INPP4A: variants seen among roughly 807,000 people sequenced by gnomAD.
INPP4A encodes inositol polyphosphate-4-phosphatase type I A.
INPP4A carries 33 observed loss-of-function variants against 119.8 expected under a neutral mutation model. The ratio of observed to expected loss-of-function variants is 0.28; its 90% CI spans 0.21 to 0.37. The LOEUF is 0.37. INPP4A is among the 10% of genes least tolerant of loss of function. INPP4A has a pLI of 1.00. For synonymous variants in INPP4A, 496 were observed against 500.7 expected (o/e 0.99, Z 0.12); for missense variants, 956 against 1,289.9 (o/e 0.74, Z 3.97).
Position 98,538,991 on chromosome 2 carries a change from T to A in INPP4A, c.670+10T>A. 6.3e-7 allele frequency: 1 copy of A among 1,575,288 alleles called. No homozygotes were observed. Among genetic ancestry groups the A allele is most frequent in the East Asian group, 2.2e-5 (1 of 44,536 alleles). Reference sequence around the variant, plus strand: ...ACTTTGCTGAAATCGGGTAAACAGCTTCCTCCTTTGGTATTCTTGCCTCTC... The same window carrying A: ...ACTTTGCTGAAATCGGGTAAACAGCATCCTCCTTTGGTATTCTTGCCTCTC... On this transcript the variant is annotated intron_variant, in intron 9 of 24. Transcript: ENST00000409851.
At position 98,533,388 on chromosome 2, in the gene INPP4A, C is replaced by G. The variant is rs1689622240; in HGVS notation, c.163C>G (p.Leu55Val). ...ILEFSLACSE[L>V]HTPSLDRKPN... ...TGTTGATTCTGTAGCTTGCAGTGAG[C>G]TGCATACTCCATCGCTAGATCGAAA... Residue 55 changes from leucine (L) to valine (V), a missense_variant, in exon 5 of 25, where the codon CTG becomes GTG. By Grantham distance (32) the Leu-to-Val change is conservative. Coordinates refer to ENST00000409851, the MANE Select transcript of INPP4A (RefSeq NM_001134225.2). 3.7e-6 allele frequency: 6 copies of G among 1,610,958 alleles called. No individual in the cohort carries two copies. Among genetic ancestry groups the G allele is most frequent in the Non-Finnish European group, 3.4e-6 (4 of 1,177,818 alleles).
intron 24 of INPP4A, among the ~76,000 whole-genome samples, 193 bp downstream of exon 24, chr2:98,577,336 G>A (rs1209626214): frequency 3.9e-5 from 6 of 152,230 alleles, no homozygotes; most frequent in Non-Finnish European, 1.5e-5. Context: ...TGTAAGGTAA[G>A]GTGGGGGGTA....
At chr2:98,562,910 T>C (rs1695749873) in intron 17 of INPP4A, among the ~76,000 whole-genome samples, 1 of 152,120 alleles carries the variant, frequency 6.6e-6, no homozygotes, top group African/African-American at 2.4e-5. Flanking sequence ...GGCTGAAAAC[T>C]TGGGAGCTGT....
chr2:98,519,596 AT>A (rs1057207219), intron 2 of INPP4A: 2 of 159,514 alleles, frequency 1.3e-5, no homozygotes, highest in Non-Finnish European at 2.7e-5. Flanking sequence ...TGATTTAAAT[AT>A]TTAAAGGTTC....
intron 1 of INPP4A, among the ~76,000 whole-genome samples, chr2:98,479,666 G>C (rs933588178): frequency 9.2e-5 from 14 of 152,220 alleles, no homozygotes; most frequent in Admixed American, 8.5e-4. Context: ...TAAAACATCT[G>C]ACACGCACCA....
At chr2:98,485,582 ACT>A (rs1362598278) in intron 1 of INPP4A, among the ~76,000 whole-genome samples, 2 of 152,108 alleles carry the variant, frequency 1.3e-5, no homozygotes, top group Non-Finnish European at 2.9e-5. Context: ...CTCAGGGCTC[ACT>A]CTCGCTTCGG....
intron 1 of INPP4A, among the ~76,000 whole-genome samples, chr2:98,463,765 C>G (rs1420887773): frequency 6.6e-6 from 1 of 152,200 alleles, no homozygotes; most frequent in African/African-American, 2.4e-5. Context: ...TAGGGCAGAC[C>G]AGAGCCATGA....
At chr2:98,519,719 G>C in intron 2 of INPP4A, 1 of 339,768 alleles carries the variant, frequency 2.9e-6, no homozygotes, top group Non-Finnish European at 5.5e-6. Flanking sequence ...CTGCTGAAGA[G>C]GACAGGACAT....
At chr2:98,445,528 C>T (rs1376685624) in intron 1 of INPP4A, among the ~76,000 whole-genome samples, 2 of 152,240 alleles carry the variant, frequency 1.3e-5, no homozygotes, top group Non-Finnish European at 2.9e-5. Context: ...TTCTGCCTGC[C>T]TTTAGACCCC....
chr2:98,493,384 A>G (rs1043915979), intron 1 of INPP4A, among the ~76,000 whole-genome samples: 1 of 150,768 alleles, frequency 6.6e-6, no homozygotes, highest in Non-Finnish European at 1.5e-5. Context: ...CTTATTTACT[A>G]ATCAGGATAT....
At chr2:98,513,688 TG>T (rs1018863488) in intron 1 of INPP4A, among the ~76,000 whole-genome samples, 2 of 152,190 alleles carry the variant, frequency 1.3e-5, no homozygotes. Flanking sequence ...GTCTTTGGAG[TG>T]GAGCCTCCAG....
chr2:98,507,417 T>C (rs1684280494), intron 1 of INPP4A, among the ~76,000 whole-genome samples: 1 of 152,246 alleles, frequency 6.6e-6, no homozygotes. Flanking sequence ...TTGACCATTC[T>C]GTTTAAAGTT....
intron 1 of INPP4A, among the ~76,000 whole-genome samples, chr2:98,468,884 A>C (rs941037110): frequency 1.3e-5 from 2 of 151,846 alleles, no homozygotes; most frequent in African/African-American, 4.8e-5. Context: ...AGGCGTGGTG[A>C]ATGCCTCCCA....
chr2:98,477,815 A>T (rs1357505345), intron 1 of INPP4A, among the ~76,000 whole-genome samples: 1 of 151,078 alleles, frequency 6.6e-6, no homozygotes, highest in East Asian at 1.9e-4. Flanking sequence ...AGGAGAGGCT[A>T]AGGGCCCCTC....
rs1051002194 is a variant in INPP4A, at chr2:98,535,116, G to A, written c.271-613G>A. Among the ~76,000 whole-genome samples the A allele has an allele frequency of 6.6e-5, 10 of 152,188 alleles. No homozygotes were observed. The East Asian group carries it at 9.6e-4, about 15-fold the overall frequency. On this transcript the variant is annotated intron_variant, in intron 5 of 24. Transcript: ENST00000409851. ...ATGGTGGCTGTGATAATTACCTGGT[G>A]CCTGAGAGAGTATGGTATTACGGGG...
chr2:98,507,874 T>C (rs960907781), intron 1 of INPP4A, among the ~76,000 whole-genome samples: 7 of 152,172 alleles, frequency 4.6e-5, no homozygotes, highest in Non-Finnish European at 1.0e-4. Flanking sequence ...CTCACCCCCC[T>C]GCACAGCGTC....
intron 24 of INPP4A, among the ~76,000 whole-genome samples, chr2:98,582,948 A>G (rs986404333): frequency 6.6e-6 from 1 of 152,084 alleles, no homozygotes; most frequent in Non-Finnish European, 1.5e-5. Context: ...AACCTCCTGC[A>G]TACGCCAGAC....
At chr2:98,508,886 A>G (rs1019722970) in intron 1 of INPP4A, among the ~76,000 whole-genome samples, 13 of 152,164 alleles carry the variant, frequency 8.5e-5, no homozygotes, top group African/African-American at 3.1e-4. Context: ...TGATGTGGTA[A>G]TCAAATGACG....
At position 98,537,895 on chromosome 2, in the gene INPP4A, C is replaced by A; in HGVS notation, c.500C>A (p.Thr167Asn). Residue 167 changes from threonine (T) to asparagine (N), a missense_variant, in exon 8 of 25, where the codon ACC becomes AAC. By Grantham distance (65) the Thr-to-Asn change is moderately conservative. Transcript: ENST00000409851. Reference protein sequence around the residue: ...SAESDRVGNITVIGWQMEEKS... With the variant: ...SAESDRVGNINVIGWQMEEKS... ...GAGAGTGACCGTGTAGGTAACATCA[C>A]CGTGATTGGCTGGCAGATGGAGGAG... 1 of 1,613,046 alleles carries A rather than the reference C, an allele frequency of 6.2e-7. No individual in the cohort carries two copies. The highest frequency in any genetic ancestry group is 8.5e-7 in the Non-Finnish European group (1 of 1,179,492).
Sources: allele counts gnomAD v4.1 joint callset (sites outside exome capture counted in the v4.1 genomes callset), GRCh38; gene constraint gnomAD v4.1.1; transcripts MANE v1.5; gene names NCBI Gene and HGNC (gene_info 2026-07-23, HGNC 2026-07-21).